Variants in TRAPPC11 observed in about 807,000 individuals in gnomAD.
TRAPPC11 encodes the protein trafficking protein particle complex subunit 11, also known as foie gras homolog.
A neutral mutation model predicts 151.2 loss-of-function variants in TRAPPC11; 104 were observed. The observed-to-expected ratio is 0.69, with a 90% CI of 0.59 to 0.81. The LOEUF (loss-of-function observed/expected upper bound fraction) is 0.81. Among genes scored for constraint, TRAPPC11 ranks in the 30% least tolerant of loss-of-function variants. The pLI, the probability that TRAPPC11 is intolerant of heterozygous loss-of-function variation, is 0.00. For missense variants in TRAPPC11, 1,230 were observed against 1,349.6 expected (o/e 0.91, Z 1.39); for synonymous variants, 456 against 472.3 (o/e 0.97, Z 0.45).
intron 8 of TRAPPC11, 23 bp from the exon 9 acceptor site, chr4:183,679,330 G>C (rs1384014104): frequency 1.3e-6 from 2 of 1,524,380 alleles, no homozygotes; most frequent in Non-Finnish European, 1.8e-6. Context: ...CCTTTATTTT[G>C]GGATCAATTT....
At chr4:183,679,324 T>G in intron 8 of TRAPPC11, 29 bp from the exon 9 acceptor site, 1 of 1,522,962 alleles carries the variant, frequency 6.6e-7, no homozygotes, top group East Asian at 2.4e-5. Flanking sequence ...TTTTTTCCTT[T>G]ATTTTGGGAT....
intron 27 of TRAPPC11, 73 bp from the exon 28 acceptor site, chr4:183,706,734 T>C (rs936910164): frequency 3.3e-6 from 5 of 1,503,378 alleles, no homozygotes; most frequent in Non-Finnish European, 4.5e-6. Flanking sequence ...AGAATGAGAT[T>C]CATTTACAAA....
rs1402563404 is a variant in TRAPPC11, at chr4:183,697,804, A to G, written c.2820A>G (p.Thr940=). ...TCCAGCTTGCTCCATCCATGACCAC[A>G]GTGGACCAGCTCGAGTCTCAAGTGG... ...SELQLAPSMT[T]VDQLESQVDN... is the part of the protein sequence containing the mutation. Residue 940 remains threonine (T), a synonymous_variant, in exon 25 of 30, where the codon ACA becomes ACG. Coordinates refer to ENST00000334690, the MANE Select transcript of TRAPPC11 (RefSeq NM_021942.6). 1 of 1,613,778 alleles carries G rather than the reference A, an allele frequency of 6.2e-7. No individual in the cohort carries two copies. Among genetic ancestry groups the G allele is most frequent in the Non-Finnish European group, 8.5e-7 (1 of 1,180,000 alleles).
chr4:183,662,073 C>T, intron 1 of TRAPPC11, among the ~76,000 whole-genome samples: 1 of 152,038 alleles, frequency 6.6e-6, no homozygotes. Context: ...CCTGAATTCT[C>T]TGTAATATGC....
At chr4:183,682,974 T>C (rs1427413324) in intron 11 of TRAPPC11, 149 bp downstream of exon 11, 1 of 630,266 alleles carries the variant, frequency 1.6e-6, no homozygotes, top group Non-Finnish European at 2.8e-6. Context: ...TTAGAATGCT[T>C]TGTATGTATC....
Position 183,693,118 on chromosome 4 carries a change from G to A in TRAPPC11, c.2208G>A (p.Trp736Ter). The change falls in exon 20 of 30, where the codon TGG (tryptophan) becomes TGA (stop). Residue 736 changes from tryptophan (W) to a stop codon, truncating the protein, a stop_gained. Coordinates refer to ENST00000334690, the MANE Select transcript of TRAPPC11 (RefSeq NM_021942.6). LOFTEE classifies it high-confidence loss of function. ...RPKLPDNEVH[W>*]DSIIIQASTM... ...AGCTACCTGACAATGAAGTTCACTG[G>A]GACAGCATTATAATTCAGGCAAGCA... The A allele has an allele frequency of 6.2e-7, 1 of 1,609,448 alleles. No individual in the cohort carries two copies. Among genetic ancestry groups the A allele is most frequent in the African/African-American group, 1.3e-5 (1 of 74,892 alleles).
At chr4:183,693,517 T>C in intron 20 of TRAPPC11, 72 bp from the exon 21 acceptor site, 1 of 1,503,128 alleles carries the variant, frequency 6.7e-7, no homozygotes, top group Non-Finnish European at 8.9e-7. Context: ...CTTATTTCTT[T>C]TAAATACTTT....
In TRAPPC11 at chr4:183,712,909, G is replaced by A; in HGVS notation, c.*265G>A. ...TATTGTTGAAAGTCATTTGATGAAT[G>A]GTAAATTCTATGAAAAGTAAGTGAT... is the stretch of plus-strand genomic sequence containing the variant. On this transcript the variant is annotated 3_prime_UTR_variant, in exon 30 of 30. Transcript: ENST00000334690. The A allele has an allele frequency of 4.7e-6, 2 of 423,760 alleles. No homozygotes were observed. Among genetic ancestry groups the A allele is most frequent in the Non-Finnish European group, 8.3e-6 (2 of 240,396 alleles). 26.2% of individuals were successfully genotyped at this position (423,760 alleles called of 1,614,324 possible).
At chr4:183,692,588 C>T (rs558014944) in intron 19 of TRAPPC11, among the ~76,000 whole-genome samples, 78 of 152,128 alleles carry the variant, frequency 5.1e-4, no homozygotes, top group Non-Finnish European at 9.9e-4. Context: ...TTTGTGGAGT[C>T]GGAAATGAGG....
At position 183,697,694 on chromosome 4, in the gene TRAPPC11, A is replaced by G. The variant is rs770747782; in HGVS notation, c.2710A>G (p.Arg904Gly). The change falls in exon 25 of 30, where the codon AGG (arginine) becomes GGG (glycine). Residue 904 changes from arginine to glycine, a missense_variant. Arg to Gly is a moderately radical substitution (Grantham distance 125). Coordinates refer to ENST00000334690, the MANE Select transcript of TRAPPC11 (RefSeq NM_021942.6). ...TTTGTGACAGTTTGAGCACCTGGAA[A>G]GGGTTTATGCTGACATCCCCTTTCT... The part of the protein sequence containing the change: ...FVSTKFEHLE[R>G]VYADIPFLLM... The G allele has an allele frequency of 2.6e-5, 42 of 1,613,966 alleles. No individual in the cohort carries two copies. The South Asian group carries it at 4.4e-4, about 17-fold the overall frequency.
chr4:183,666,898 G>C (rs1734910866), intron 3 of TRAPPC11, 162 bp from the exon 4 acceptor site: 1 of 534,626 alleles, frequency 1.9e-6, no homozygotes, highest in Admixed American at 3.3e-5. Context: ...AAATCATTGT[G>C]ACATATATGT....
intron 19 of TRAPPC11, among the ~76,000 whole-genome samples, chr4:183,692,324 A>G (rs141911036): frequency 3.9e-5 from 6 of 152,242 alleles, no homozygotes; most frequent in African/African-American, 1.2e-4. Flanking sequence ...CAGTGTTCCC[A>G]TAACAGTTTC....
chr4:183,666,562 C>G lies in TRAPPC11; in HGVS notation c.374+136C>G. 7.7e-6 allele frequency: 6 copies of G among 780,466 alleles called. No homozygotes were observed. The Middle Eastern group carries it at 7.3e-4, about 95-fold the overall frequency. The allele number at this position is 780,466 out of a possible 1,614,324, so 48.3% of individuals were successfully genotyped here. A position where few individuals can be genotyped will look rare whatever the true frequency, so the allele number is the denominator to read the frequency against. The stretch of plus-strand genomic sequence containing the variant: ...ATTGACCTCCAGTGAATCTTGTTCA[C>G]TTCCTCACAGGTAGCATAATTATTG... On this transcript the variant is annotated intron_variant, in intron 3 of 29. Coordinates refer to ENST00000334690, the MANE Select transcript of TRAPPC11 (RefSeq NM_021942.6).
chr4:183,660,517 T>C (rs925372189), intron 1 of TRAPPC11, among the ~76,000 whole-genome samples: 16 of 152,258 alleles, frequency 1.1e-4, no homozygotes, highest in Non-Finnish European at 4.4e-5. Context: ...TTAATATGAC[T>C]GCTAGAAATT....
chr4:183,694,545 ATAT>A, intron 22 of TRAPPC11, 56 bp from the exon 23 acceptor site: 1 of 1,511,592 alleles, frequency 6.6e-7, no homozygotes, highest in Admixed American at 1.9e-5. Context: ...ATCCTAGAAT[ATAT>A]ATCAAGAAGA....
At chr4:183,664,767 G>A (rs949760153) in intron 2 of TRAPPC11, among the ~76,000 whole-genome samples, 2 of 152,034 alleles carry the variant, frequency 1.3e-5, no homozygotes. Flanking sequence ...TATGAGGTTG[G>A]TTTGAAAGTT....
intron 18 of TRAPPC11, among the ~76,000 whole-genome samples, chr4:183,689,692 A>G (rs747064413): frequency 6.7e-6 from 1 of 149,564 alleles, no homozygotes; most frequent in Non-Finnish European, 1.5e-5. Flanking sequence ...TGATGTGATC[A>G]TAACTCATCT....
At chr4:183,702,305 C>G (rs995473307) in intron 26 of TRAPPC11, among the ~76,000 whole-genome samples, 2 of 149,712 alleles carry the variant, frequency 1.3e-5, no homozygotes, top group Non-Finnish European at 2.9e-5. Flanking sequence ...GATTGTGCCA[C>G]TGCACTCTAG....
chr4:183,661,548 T>A (rs1428582075), intron 1 of TRAPPC11, among the ~76,000 whole-genome samples: 1 of 151,478 alleles, frequency 6.6e-6, no homozygotes, highest in African/African-American at 2.4e-5. Flanking sequence ...ATTTTTTGTG[T>A]TTTTAGTAGA....
Sources: gnomAD v4.1 joint callset for allele counts (sites outside exome capture counted in the v4.1 genomes callset) on GRCh38, gnomAD v4.1.1 for gene constraint, MANE v1.5 for transcripts, NCBI Gene and HGNC (gene_info 2026-07-23, HGNC 2026-07-21) for gene names.